Variants in MARK3 observed in about 807,000 individuals in gnomAD.
MARK3 encodes MAP/microtubule affinity-regulating kinase 3.
Under a neutral mutation model 90.1 loss-of-function variants are expected in MARK3, and 46 were observed. The observed-to-expected ratio is 0.51, with a 90% confidence interval of 0.40 to 0.65. MARK3 has a LOEUF of 0.65. Ranked by LOEUF, MARK3 falls within the 30% of genes least tolerant of loss-of-function variation. The probability of loss-of-function intolerance (pLI) is 0.00; values close to 1 mark genes in which losing one functional copy is unlikely to be tolerated. For synonymous variants in MARK3, 321 were observed against 332.6 expected (o/e 0.97, Z 0.38); for missense variants, 818 against 947.2 (o/e 0.86, Z 1.79).
intron 4 of MARK3, among the ~76,000 whole-genome samples, chr14:103,450,875 A>AGAGTGT (rs1555389259): frequency 2.6e-5 from 3 of 114,828 alleles, no homozygotes; most frequent in Admixed American, 1.1e-4. Context: ...TCATTTTTAA[A>AGAGTGT]GTGTGTGTGT....
Position 103,460,158 on chromosome 14 carries a change from T to C in MARK3, c.484-2247T>C, listed in dbSNP as rs1217951164. Among the ~76,000 whole-genome samples, 6 of 131,212 alleles carry C rather than the reference T, an allele frequency of 4.6e-5. No homozygotes were observed. The South Asian group carries it at 1.6e-3, about 35-fold the overall frequency. The allele number at this position is 131,212 out of a possible 152,430, so 86.1% of individuals were successfully genotyped here. A position where few individuals can be genotyped will look rare whatever the true frequency, so the allele number is the denominator to read the frequency against. On this transcript the variant is annotated intron_variant, in intron 6 of 17. Coordinates refer to ENST00000429436, the MANE Select transcript of MARK3 (RefSeq NM_001128918.3). ...TGGAGTGCAGTGGCGCGATCTCGGC[T>C]CACTGCAAGCTCCGCCCCCTGGGTT... is the stretch of plus-strand genomic sequence containing the variant.
Position 103,405,727 on chromosome 14 carries a change from G to A in MARK3, c.243+460G>A, listed in dbSNP as rs546711944. Among the ~76,000 whole-genome samples the A allele has an allele frequency of 8.6e-5, 13 of 150,968 alleles. No individual in the cohort carries two copies. In the East Asian group the frequency reaches 2.3e-3, roughly 27 times the overall value. ...GTAATACATAGCTGGGATTACAGGC[G>A]CACACCACCACACCACGCTAATTTT... On this transcript the variant is annotated intron_variant, in intron 2 of 17. Transcript: ENST00000429436.
chr14:103,463,857 A>G (rs1202646416), intron 7 of MARK3, among the ~76,000 whole-genome samples: 1 of 152,108 alleles, frequency 6.6e-6, no homozygotes. Flanking sequence ...CTCAAGTACA[A>G]TCCTTTGTGA....
intron 2 of MARK3, among the ~76,000 whole-genome samples, chr14:103,415,150 CAAA>C (rs34245934): frequency 5.3e-5 from 2 of 37,708 alleles, no homozygotes; most frequent in African/African-American, 9.9e-5. Flanking sequence ...GACCTTGTCT[CAAA>C]AAAAAAAAAA....
At chr14:103,454,319 C>T (rs1198405141) in intron 5 of MARK3, among the ~76,000 whole-genome samples, 1 of 151,994 alleles carries the variant, frequency 6.6e-6, no homozygotes, top group South Asian at 2.1e-4. Context: ...GTGGCGCCAT[C>T]TCAGCTCACT....
In MARK3 at chr14:103,474,837, CATTAGAT is replaced by C. The variant is rs375044416; in HGVS notation, c.1265-153_1265-147del. On this transcript the variant is annotated intron_variant, in intron 12 of 17. Transcript: ENST00000429436. ...TATTGAATTCATTGCATAAGGCAAA[CATTAGAT>C]ATAAGTGGGAAACATCTTAGAGGAT... is the stretch of plus-strand genomic sequence containing the variant. 9.2e-4 allele frequency among the ~76,000 whole-genome samples: 140 copies of C among 152,138 alleles called. 2 individuals carry two copies. Among genetic ancestry groups the C allele is most frequent in the African/African-American group, 3.3e-3 (139 of 41,498 alleles).
chr14:103,426,070 A>G (rs1441814057), intron 2 of MARK3, among the ~76,000 whole-genome samples: 1 of 152,218 alleles, frequency 6.6e-6, no homozygotes, highest in Non-Finnish European at 1.5e-5. Context: ...CTGCCGAGTC[A>G]AAACTATTTT....
chr14:103,398,591 T>C (rs776831736), intron 1 of MARK3, among the ~76,000 whole-genome samples: 2 of 152,174 alleles, frequency 1.3e-5, no homozygotes, highest in Non-Finnish European at 2.9e-5. Context: ...CAGGCGGGTC[T>C]CAAACTTCCG....
chr14:103,427,206 A>C (rs1473588414), intron 2 of MARK3, among the ~76,000 whole-genome samples: 2 of 151,830 alleles, frequency 1.3e-5, no homozygotes, highest in African/African-American at 2.4e-5. Context: ...TTATAAAAGA[A>C]GTAAAGAAAC....
intron 11 of MARK3, 23 bp from the exon 12 acceptor site, chr14:103,468,010 C>T: frequency 2.5e-6 from 4 of 1,609,988 alleles, no homozygotes; most frequent in Non-Finnish European, 3.4e-6. Flanking sequence ...GTGGTTTGCT[C>T]TGTTTTTCTC....
chr14:103,466,702 C>T (rs1270855482), intron 10 of MARK3, among the ~76,000 whole-genome samples: 2 of 151,976 alleles, frequency 1.3e-5, no homozygotes, highest in African/African-American at 4.8e-5. Context: ...AATTATTTTA[C>T]CCTACAAAAG....
intron 13 of MARK3, among the ~76,000 whole-genome samples, chr14:103,478,278 A>G (rs62007720): frequency 0.97 from 144,025 of 148,786 alleles, 69,892 homozygotes; most frequent in Non-Finnish European, 1. Flanking sequence ...CTGGGCGAAA[A>G]AGCGAGGCTC....
chr14:103,395,291 G>T (rs1248646568), intron 1 of MARK3, among the ~76,000 whole-genome samples: 1 of 151,342 alleles, frequency 6.6e-6, no homozygotes, highest in Non-Finnish European at 1.5e-5. Flanking sequence ...CTAGTCTTGA[G>T]ATTTAACTGT....
rs10529756 is a variant in MARK3 at position 103,423,200 on chromosome 14, CT to C, written c.244-5173del. ...TCTATCCCCCTAGAGGACTTGCAGT[CT>C]TTTTTTTTTTTTTGCCTCCTCTTTT... is the stretch of plus-strand genomic sequence containing the variant. On this transcript the variant is annotated intron_variant, in intron 2 of 17. Transcript: ENST00000429436. Among the ~76,000 whole-genome samples, 512 of 94,726 alleles carry C rather than the reference CT, an allele frequency of 5.4e-3. 41 individuals carry two copies. Among genetic ancestry groups the C allele is most frequent in the Admixed American group, 0.048 (378 of 7,834 alleles). 62.1% of individuals were successfully genotyped at this position (94,726 alleles called of 152,430 possible).
intron 17 of MARK3, among the ~76,000 whole-genome samples, chr14:103,501,679 C>A (rs1182202849): frequency 6.6e-6 from 1 of 152,012 alleles, no homozygotes; most frequent in Non-Finnish European, 1.5e-5. Flanking sequence ...TCCTGCTCGG[C>A]GGGCTCCACC....
intron 6 of MARK3, among the ~76,000 whole-genome samples, chr14:103,459,575 C>T (rs988291946): frequency 4.6e-5 from 7 of 152,164 alleles, no homozygotes; most frequent in African/African-American, 1.4e-4. Context: ...TCTCAGCTCA[C>T]TGCAACCTCC....
At chr14:103,450,971 T>TC (rs2093132842) in intron 4 of MARK3, among the ~76,000 whole-genome samples, 1 of 131,766 alleles carries the variant, frequency 7.6e-6, no homozygotes, top group Non-Finnish European at 1.5e-5. Context: ...AGCTCTGTTG[T>TC]CCAGGCTGGA....
At chr14:103,417,456 A>G (rs1175963580) in intron 2 of MARK3, 1 of 152,230 alleles carries the variant, frequency 6.6e-6, no homozygotes, top group Admixed American at 6.5e-5. Flanking sequence ...ACTGGAGTAT[A>G]ACCATGTAAG....
chr14:103,422,846 T>C (rs1361324013), intron 2 of MARK3, among the ~76,000 whole-genome samples: 1 of 152,200 alleles, frequency 6.6e-6, no homozygotes, highest in Non-Finnish European at 1.5e-5. Flanking sequence ...TGGCCTCCAT[T>C]TGCTATGGAT....
Sources: allele counts gnomAD v4.1 joint callset (sites outside exome capture counted in the v4.1 genomes callset), GRCh38; gene constraint gnomAD v4.1.1; transcripts MANE v1.5; gene names NCBI Gene and HGNC (gene_info 2026-07-23, HGNC 2026-07-21).